The following ANO10 variants were observed in gnomAD, a reference collection of about 807,000 sequenced individuals.
The protein encoded by ANO10 is anoctamin-10.
In ANO10, 77 loss-of-function variants were observed where a neutral mutation model predicts 74.7. The observed-to-expected ratio is 1.03, with a 90% CI of 0.86 to 1.25. The LOEUF (loss-of-function observed/expected upper bound fraction) is 1.25. Ranked by LOEUF, ANO10 falls within the 50% of genes most tolerant of loss-of-function variation. The pLI is 0.00. For synonymous variants in ANO10, 279 were observed against 284.9 expected (o/e 0.98, Z 0.21); for missense variants, 721 against 778.1 (o/e 0.93, Z 0.87).
chr3:43,691,009 A>T (rs779102318), intron 1 of ANO10: 1 of 1,567,268 alleles, frequency 6.4e-7, no homozygotes, highest in Non-Finnish European at 8.6e-7. Flanking sequence ...GCGGAGGAGG[A>T]GGAGGTGGAC....
chr3:43,419,392 G>T (rs187814346), intron 12 of ANO10, among the ~76,000 whole-genome samples: 122 of 152,274 alleles, frequency 8.0e-4, no homozygotes, highest in African/African-American at 2.9e-3. Context: ...TCCTTAATCT[G>T]TAAAGTCAGA....
chr3:43,667,671 T>C (rs2149575899), intron 1 of ANO10, among the ~76,000 whole-genome samples: 1 of 152,304 alleles, frequency 6.6e-6, no homozygotes, highest in East Asian at 1.9e-4. Context: ...TAGCTCTCAC[T>C]TATAAATGAG....
At chr3:43,381,152 C>A (rs1270137005) in intron 12 of ANO10, among the ~76,000 whole-genome samples, 1 of 152,134 alleles carries the variant, frequency 6.6e-6, no homozygotes, top group African/African-American at 2.4e-5. Flanking sequence ...CCTCCCATGA[C>A]ACATGGGGAT....
At chr3:43,564,872 A>G (rs1203429301) in intron 8 of ANO10, among the ~76,000 whole-genome samples, 1 of 152,126 alleles carries the variant, frequency 6.6e-6, no homozygotes, top group Non-Finnish European at 1.5e-5. Flanking sequence ...CCATTCCCCT[A>G]TCTTCTGCTA....
intron 12 of ANO10, among the ~76,000 whole-genome samples, chr3:43,428,250 A>G (rs1209275363): frequency 1.3e-5 from 2 of 152,022 alleles, no homozygotes; most frequent in Non-Finnish European, 2.9e-5. Context: ...GGGTTTCACC[A>G]TGTTGGCTGG....
chr3:43,594,364 A>C lies in ANO10; in HGVS notation c.472+4168T>G, dbSNP rs1216171990. ...AAAATTGACCACATAGTCGGAAGTA[A>C]AGTACTCCTCAGCAAATGAAAAAGA... On this transcript the variant is annotated intron_variant, in intron 4 of 12. Transcript: ENST00000292246. Among the ~76,000 whole-genome samples the C allele has an allele frequency of 2.6e-5, 4 of 152,240 alleles. No individual in the cohort carries two copies. In the East Asian group the frequency reaches 7.7e-4, roughly 29 times the overall value.
chr3:43,491,626 A>C (rs966688819), intron 11 of ANO10, among the ~76,000 whole-genome samples: 4 of 151,452 alleles, frequency 2.6e-5, no homozygotes, highest in African/African-American at 9.7e-5. Context: ...TTTCATTCCC[A>C]CTCTAAAGCT....
intron 12 of ANO10, among the ~76,000 whole-genome samples, chr3:43,383,197 T>C (rs2092017969): frequency 6.6e-6 from 1 of 152,134 alleles, no homozygotes; most frequent in African/African-American, 2.4e-5. Flanking sequence ...CTCATGTCTG[T>C]AATCCCAGCA....
chr3:43,684,154 T>C (rs905287418), intron 1 of ANO10, among the ~76,000 whole-genome samples: 2 of 151,862 alleles, frequency 1.3e-5, no homozygotes, highest in South Asian at 2.1e-4. Flanking sequence ...ACCCACAGAA[T>C]GGGAGAAAAT....
At chr3:43,485,358 C>A (rs967280692) in intron 11 of ANO10, 2 of 472,058 alleles carry the variant, frequency 4.2e-6, no homozygotes, top group East Asian at 4.6e-5. Flanking sequence ...TCCAGGGAGG[C>A]GCCCATTGCC....
chr3:43,587,430 G>A (rs1279587736), intron 4 of ANO10, among the ~76,000 whole-genome samples: 1 of 152,158 alleles, frequency 6.6e-6, no homozygotes, highest in Non-Finnish European at 1.5e-5. Flanking sequence ...TAGGAACCCA[G>A]ATAACACCAA....
chr3:43,606,260 T>C (rs753107065), intron 1 of ANO10, among the ~76,000 whole-genome samples: 2 of 152,230 alleles, frequency 1.3e-5, no homozygotes, highest in Non-Finnish European at 2.9e-5. Context: ...GACAAAATTA[T>C]ATTTCCCTAG....
upstream of ANO10, among the ~76,000 whole-genome samples, chr3:43,625,612 T>C (rs887271133): frequency 1.3e-5 from 2 of 152,166 alleles, no homozygotes; most frequent in Middle Eastern, 3.2e-3. Flanking sequence ...GAAGAGTGAG[T>C]TCGAGAGCAT....
chr3:43,497,227 C>A (rs375050631), intron 11 of ANO10, among the ~76,000 whole-genome samples: 1 of 152,152 alleles, frequency 6.6e-6, no homozygotes, highest in African/African-American at 2.4e-5. Flanking sequence ...TGCAAACTTA[C>A]CTAGCATACA....
In ANO10 at chr3:43,502,577, A is replaced by T. The variant is rs548312353; in HGVS notation, c.1797+47143T>A. The stretch of plus-strand genomic sequence containing the variant: ...GTCACACTTCTTGTACAGCCTGCAG[A>T]ACCATGAGCCAAATAAACCTCTTTT... On this transcript the variant is annotated intron_variant, in intron 11 of 12. Transcript: ENST00000292246. 6.6e-5 allele frequency among the ~76,000 whole-genome samples: 10 copies of T among 152,336 alleles called. No homozygotes were observed. In the South Asian group the frequency reaches 1.9e-3, roughly 28 times the overall value.
At chr3:43,369,704 G>A (rs551016007) in intron 12 of ANO10, among the ~76,000 whole-genome samples, 6 of 152,164 alleles carry the variant, frequency 3.9e-5, no homozygotes, top group South Asian at 4.1e-4. Flanking sequence ...GGCTCAGCTC[G>A]ACTCCCTGGG....
intron 1 of ANO10, chr3:43,690,746 G>C (rs971506927): frequency 2.3e-6 from 1 of 426,336 alleles, no homozygotes; most frequent in Non-Finnish European, 4.1e-6. Flanking sequence ...TGACTGTCCC[G>C]CCCCGCGCTT....
At chr3:43,562,844 A>AAACTATAG (rs2080115774) in intron 8 of ANO10, among the ~76,000 whole-genome samples, 1 of 152,214 alleles carries the variant, frequency 6.6e-6, no homozygotes, top group African/African-American at 2.4e-5. Context: ...ATAAGACCCA[A>AAACTATAG]AACTATAAAA....
chr3:43,597,360 C>T (rs2149472368), intron 4 of ANO10, among the ~76,000 whole-genome samples: 1 of 152,318 alleles, frequency 6.6e-6, no homozygotes, highest in East Asian at 1.9e-4. Context: ...TTGGAACCAT[C>T]CCAAATGTCT....
Sources: allele counts gnomAD v4.1 joint callset (sites outside exome capture counted in the v4.1 genomes callset), GRCh38; gene constraint gnomAD v4.1.1; transcripts MANE v1.5; gene names NCBI Gene and HGNC (gene_info 2026-07-23, HGNC 2026-07-21).